The following CCDC149 variants were observed in gnomAD, a reference collection of about 807,000 sequenced individuals.
CCDC149 encodes coiled-coil domain-containing protein 149.
Under a neutral mutation model 59.9 loss-of-function variants are expected in CCDC149, and 45 were observed. That is an observed-to-expected ratio of 0.75 (90% CI 0.59 to 0.96). The LOEUF (loss-of-function observed/expected upper bound fraction) is 0.96, where lower values mean the gene tolerates loss of function less well. Ranked by LOEUF, CCDC149 falls within the 40% of genes least tolerant of loss-of-function variation. CCDC149 has a pLI of 0.00. For missense variants in CCDC149, 584 were observed against 664.7 expected, an observed-to-expected ratio of 0.88 and a Z score of 1.33; for synonymous variants, 245 against 260.6, an observed-to-expected ratio of 0.94 and a Z score of 0.58.
At chr4:24,976,133 A>T (rs1162705909) in intron 1 of CCDC149, among the ~76,000 whole-genome samples, 1 of 152,150 alleles carries the variant, frequency 6.6e-6, no homozygotes, top group Non-Finnish European at 1.5e-5. Context: ...TTTTTCAGTT[A>T]TTTGAGCCAA....
intron 1 of CCDC149, among the ~76,000 whole-genome samples, chr4:24,905,181 G>T (rs555402401): frequency 6.3e-4 from 95 of 151,834 alleles, no homozygotes; most frequent in Non-Finnish European, 1.0e-3. Flanking sequence ...TTACAGGAGT[G>T]AGCCACCGCA....
At chr4:24,949,437 A>AGGGGGGGGGGGGGGGGG (rs1723210826) in intron 1 of CCDC149, among the ~76,000 whole-genome samples, 1 of 132,378 alleles carries the variant, frequency 7.6e-6, no homozygotes, top group African/African-American at 2.9e-5. Flanking sequence ...TAGTGGTGGC[A>AGGGGGGGGGGGGGGGGG]GGGAGGGGGG....
chr4:24,866,993 T>C (rs1718743942), intron 3 of CCDC149, among the ~76,000 whole-genome samples: 1 of 152,152 alleles, frequency 6.6e-6, no homozygotes, highest in Non-Finnish European at 1.5e-5. Context: ...GGACTGAATG[T>C]TGACTACGGT....
rs377169121 is a variant in CCDC149 at position 24,819,866 on chromosome 4, G to C, written c.1185C>G (p.Pro395=). The stretch of plus-strand genomic sequence containing the variant: ...AAATCGAGGCGTGCTTACCATCCTT[G>C]GGATCTGCTTTGTTCTCAGTGGGCT... The change falls in exon 12 of 13, where the codon CCC becomes CCG. Residue 395 remains proline (P), a synonymous_variant. Transcript: ENST00000635206. 30 of 1,550,820 alleles carry C rather than the reference G, an allele frequency of 1.9e-5. No homozygotes were observed. Among genetic ancestry groups the C allele is most frequent in the Non-Finnish European group, 2.3e-5 (26 of 1,146,218 alleles).
chr4:24,968,145 T>C (rs779493404), intron 1 of CCDC149, among the ~76,000 whole-genome samples: 4 of 152,190 alleles, frequency 2.6e-5, no homozygotes, highest in Non-Finnish European at 4.4e-5. Context: ...GGGCTCCCAT[T>C]TGAGCTGGAT....
chr4:24,825,452 G>A (rs1019323948), intron 9 of CCDC149, among the ~76,000 whole-genome samples: 7 of 152,116 alleles, frequency 4.6e-5, no homozygotes, highest in South Asian at 4.2e-4. Flanking sequence ...CACAGCTGGC[G>A]AGCAGAGGGG....
intron 3 of CCDC149, 170 bp from the exon 4 acceptor site, chr4:24,853,349 T>C (rs1211792815): frequency 1.7e-6 from 1 of 600,550 alleles, no homozygotes; most frequent in South Asian, 2.1e-5. Context: ...ACCACTACAA[T>C]GGCACGCAGG....
intron 3 of CCDC149, among the ~76,000 whole-genome samples, chr4:24,860,341 G>A (rs1004851122): frequency 1.3e-5 from 2 of 152,092 alleles, no homozygotes; most frequent in Admixed American, 6.5e-5. Flanking sequence ...CATAAGGTAC[G>A]GAAAGGACAC....
At chr4:24,813,160 C>T (rs1329220179) in intron 12 of CCDC149, among the ~76,000 whole-genome samples, 1 of 151,990 alleles carries the variant, frequency 6.6e-6, no homozygotes, top group Non-Finnish European at 1.5e-5. Context: ...GGACCAGAAC[C>T]CCCTCTTTCT....
intron 1 of CCDC149, among the ~76,000 whole-genome samples, chr4:24,958,749 A>G (rs939501247): frequency 1.3e-5 from 2 of 152,164 alleles, no homozygotes; most frequent in Admixed American, 6.5e-5. Context: ...GAAGAAAAAA[A>G]AGCCAGGTGC....
chr4:24,835,202 T>A (rs1024032360), intron 7 of CCDC149, among the ~76,000 whole-genome samples, 170 bp from the exon 8 acceptor site: 1 of 152,216 alleles, frequency 6.6e-6, no homozygotes, highest in African/African-American at 2.4e-5. Flanking sequence ...TTTTACGGCC[T>A]GGTAAGAAGT....
chr4:24,952,020 T>C (rs531141319), intron 1 of CCDC149, among the ~76,000 whole-genome samples: 32 of 152,314 alleles, frequency 2.1e-4, no homozygotes, highest in Admixed American at 2.0e-3. Flanking sequence ...TGGGTGCTCA[T>C]TGCCTTTGCT....
intron 3 of CCDC149, among the ~76,000 whole-genome samples, chr4:24,872,150 A>G (rs1719082185): frequency 6.6e-6 from 1 of 152,270 alleles, no homozygotes; most frequent in Non-Finnish European, 1.5e-5. Flanking sequence ...CTTTTCAGGG[A>G]GCTCAAAGGA....
intron 2 of CCDC149, 83 bp from the exon 3 acceptor site, chr4:24,873,802 C>A: frequency 9.2e-7 from 1 of 1,084,012 alleles, no homozygotes; most frequent in Middle Eastern, 2.4e-4. Context: ...AATTATGAAC[C>A]TAAATGTAGA....
At chr4:24,848,534 G>A (rs1717458087) in intron 4 of CCDC149, among the ~76,000 whole-genome samples, 1 of 151,900 alleles carries the variant, frequency 6.6e-6, no homozygotes, top group Non-Finnish European at 1.5e-5. Context: ...GCACCACTGT[G>A]CTCCAGCCTG....
intron 1 of CCDC149, among the ~76,000 whole-genome samples, chr4:24,881,756 C>A (rs533527979): frequency 3.0e-4 from 46 of 152,274 alleles, no homozygotes; most frequent in African/African-American, 1.1e-3. Context: ...CTATTGATGA[C>A]AAAAAGCAAG....
chr4:24,817,531 G>GGGTCTTCTTACCCAGTGATAAGAAGT (rs764842609), intron 12 of CCDC149, among the ~76,000 whole-genome samples: 2 of 151,960 alleles, frequency 1.3e-5, no homozygotes, highest in African/African-American at 2.4e-5. Flanking sequence ...TGGCTCATCT[G>GGGTCTTCTTACCCAGTGATAAGAAGT]GGTCTTCTTA....
chr4:24,880,190 G>C (rs1274212609), intron 1 of CCDC149, among the ~76,000 whole-genome samples: 1 of 152,192 alleles, frequency 6.6e-6, no homozygotes, highest in African/African-American at 2.4e-5. Flanking sequence ...TCTATGTTTA[G>C]ATACGTTTAG....
chr4:24,961,264 C>T (rs548266685), intron 1 of CCDC149, among the ~76,000 whole-genome samples: 2 of 152,186 alleles, frequency 1.3e-5, no homozygotes, highest in South Asian at 4.1e-4. Flanking sequence ...GAACAGGGTG[C>T]TCCAGACGCC....
Sources: allele counts gnomAD v4.1 joint callset (sites outside exome capture counted in the v4.1 genomes callset), GRCh38; gene constraint gnomAD v4.1.1; transcripts MANE v1.5; gene names NCBI Gene and HGNC (gene_info 2026-07-23, HGNC 2026-07-21).